The following COQ5 variants were observed in gnomAD, a reference collection of about 807,000 sequenced individuals.
COQ5 encodes coenzyme Q5, methyltransferase.
COQ5 carries 27 observed loss-of-function variants against 40.5 expected under a neutral mutation model. That is an observed-to-expected ratio of 0.67 (90% CI 0.49 to 0.92). The LOEUF is 0.92. Among genes scored for constraint, COQ5 ranks in the 40% least tolerant of loss-of-function variants. The pLI is 0.00. For missense variants in COQ5, 409 were observed against 406.4 expected (o/e 1.01, Z -0.06); for synonymous variants, 141 against 150.0 (o/e 0.94, Z 0.44).
intron 1 of COQ5, among the ~76,000 whole-genome samples, chr12:120,528,363 C>T (rs1383375915): frequency 6.6e-6 from 1 of 152,190 alleles, no homozygotes; most frequent in Non-Finnish European, 1.5e-5. Context: ...CTTGCTTAAC[C>T]TTTAAGTCTC....
chr12:120,514,503 G>A (rs954705404), intron 3 of COQ5, among the ~76,000 whole-genome samples: 5 of 151,952 alleles, frequency 3.3e-5, no homozygotes, highest in Non-Finnish European at 7.4e-5. Flanking sequence ...CACTTTGGGA[G>A]GAATGGGTGG....
intron 3 of COQ5, among the ~76,000 whole-genome samples, chr12:120,513,575 A>G (rs1337789552): frequency 5.4e-5 from 8 of 146,972 alleles, no homozygotes; most frequent in Non-Finnish European, 8.9e-5. Context: ...TTGCTCTGTC[A>G]CCCAGTCTGT....
At chr12:120,521,679 C>CAAA (rs71076625) in intron 2 of COQ5, among the ~76,000 whole-genome samples, 33 of 114,124 alleles carry the variant, frequency 2.9e-4, no homozygotes, top group African/African-American at 1.0e-3. Flanking sequence ...ACTCCATCTC[C>CAAA]AAAAAAAAAA....
At position 120,503,984 on chromosome 12, in the gene COQ5, T is replaced by C. The variant is rs1256423035; in HGVS notation, c.868A>G (p.Arg290Gly). Residue 290 changes from arginine (R) to glycine (G), a missense_variant, in exon 6 of 7, where the codon AGG becomes GGG. Arg to Gly is a moderately radical substitution (Grantham distance 125). Transcript: ENST00000288532. ...SYQYLVESIR[R>G]FPSQEEFKDM... ...AAGTTTCATACCTGAGACGGAAACC[T>C]TCGGATACTCTCTACAAGGTACTGA... 6.8e-6 allele frequency: 11 copies of C among 1,612,124 alleles called. No homozygotes were observed. The highest frequency in any genetic ancestry group is 9.3e-6 in the Non-Finnish European group (11 of 1,178,306).
chr12:120,517,126 C>T (rs940728828), intron 2 of COQ5, among the ~76,000 whole-genome samples: 1 of 152,082 alleles, frequency 6.6e-6, no homozygotes, highest in African/African-American at 2.4e-5. Context: ...ACTGGGGGAT[C>T]ACCTGAGGTC....
intron 3 of COQ5, among the ~76,000 whole-genome samples, chr12:120,515,868 G>A (rs561282364): frequency 2.6e-4 from 39 of 152,288 alleles, no homozygotes; most frequent in African/African-American, 9.4e-4. Flanking sequence ...CTAATAGGTG[G>A]AGGCTGCTAG....
At chr12:120,508,876 T>C (rs1869001811) in intron 4 of COQ5, among the ~76,000 whole-genome samples, 1 of 151,888 alleles carries the variant, frequency 6.6e-6, no homozygotes. Flanking sequence ...AATACAAAAA[T>C]TAGCTGGGCG....
At chr12:120,526,574 C>T in intron 1 of COQ5, 1 of 408,524 alleles carries the variant, frequency 2.4e-6, no homozygotes, top group Non-Finnish European at 4.9e-6. Context: ...ACATTGAAAG[C>T]ACAAAGGATA....
At chr12:120,528,163 T>C (rs990120210) in intron 1 of COQ5, among the ~76,000 whole-genome samples, 12 of 151,214 alleles carry the variant, frequency 7.9e-5, no homozygotes, top group South Asian at 2.1e-4. Flanking sequence ...TATTGCGCCA[T>C]TGCACTCCAG....
chr12:120,506,102 G>T (rs377283847), intron 4 of COQ5, among the ~76,000 whole-genome samples: 1 of 152,060 alleles, frequency 6.6e-6, no homozygotes, highest in East Asian at 1.9e-4. Context: ...TGATCCACTC[G>T]TCTCGGCCTC....
intron 1 of COQ5, among the ~76,000 whole-genome samples, chr12:120,528,252 C>T (rs1870058578): frequency 6.6e-6 from 1 of 151,880 alleles, no homozygotes; most frequent in South Asian, 2.1e-4. Flanking sequence ...AAAAAAACCC[C>T]TATTTTTCTC....
chr12:120,513,358 C>A (rs1047555504), intron 3 of COQ5, among the ~76,000 whole-genome samples: 7 of 150,816 alleles, frequency 4.6e-5, no homozygotes, highest in African/African-American at 1.7e-4. Flanking sequence ...AAAAATTAGC[C>A]GGGCGTGGCG....
intron 1 of COQ5, chr12:120,523,978 C>G (rs1363180533): frequency 2.7e-6 from 1 of 365,068 alleles, no homozygotes. Context: ...CCACTGCATT[C>G]CAGCCTGGGC....
At chr12:120,516,488 A>T in intron 3 of COQ5, 79 bp downstream of exon 3, 3 of 1,215,070 alleles carry the variant, frequency 2.5e-6, no homozygotes, top group Middle Eastern at 3.8e-4. Flanking sequence ...AAGATAAAGC[A>T]TTTCAATATT....
intron 2 of COQ5, among the ~76,000 whole-genome samples, chr12:120,519,961 G>A (rs1869566246): frequency 6.6e-6 from 1 of 151,786 alleles, no homozygotes; most frequent in African/African-American, 2.4e-5. Context: ...ACAGAGCAAG[G>A]TGTCTTCTTG....
At chr12:120,526,541 G>C in intron 1 of COQ5, 1 of 448,936 alleles carries the variant, frequency 2.2e-6, no homozygotes, top group Non-Finnish European at 4.5e-6. Flanking sequence ...TCACATTAAA[G>C]GAGTTCTTGG....
chr12:120,510,221 A>G, intron 3 of COQ5, 98 bp from the exon 4 acceptor site: 1 of 924,010 alleles, frequency 1.1e-6, no homozygotes, highest in East Asian at 2.5e-5. Flanking sequence ...GGAGAGCCCA[A>G]GTCCTGGGTG....
intron 4 of COQ5, among the ~76,000 whole-genome samples, chr12:120,505,274 A>G (rs1037168189): frequency 5.3e-5 from 8 of 152,232 alleles, no homozygotes; most frequent in African/African-American, 1.9e-4. Flanking sequence ...CAAAATCACA[A>G]TGGATATCCT....
chr12:120,522,091 T>C (rs563071508), intron 2 of COQ5, 123 bp downstream of exon 2: 2 of 938,082 alleles, frequency 2.1e-6, no homozygotes, highest in Admixed American at 2.2e-5. Flanking sequence ...TCAGAAGTTA[T>C]AAGTATGCAG....
Sources: allele counts gnomAD v4.1 joint callset (sites outside exome capture counted in the v4.1 genomes callset), GRCh38; gene constraint gnomAD v4.1.1; transcripts MANE v1.5; gene names NCBI Gene and HGNC (gene_info 2026-07-23, HGNC 2026-07-21).